Variants in NRG1 observed in about 807,000 individuals in gnomAD.
NRG1 encodes neuregulin 1, also known as pro-neuregulin-1, membrane-bound isoform.
A neutral mutation model predicts 63.8 loss-of-function variants in NRG1; 18 were observed. The observed-to-expected ratio is 0.28, with a 90% CI of 0.19 to 0.42. NRG1 has a LOEUF of 0.42. NRG1 is among the 10% of genes least tolerant of loss of function. The probability of loss-of-function intolerance (pLI) is 1.00; values close to 1 mark genes in which losing one functional copy is unlikely to be tolerated. For synonymous variants in NRG1, 302 were observed against 301.3 expected (o/e 1.00, Z -0.02); for missense variants, 762 against 814.7 (o/e 0.94, Z 0.79).
chr8:31,649,772 G>C (rs1196968549), intron 1 of NRG1, among the ~76,000 whole-genome samples: 1 of 152,162 alleles, frequency 6.6e-6, no homozygotes, highest in Admixed American at 6.5e-5. Context: ...GTCATCATGA[G>C]AATATTGTAT....
intron 1 of NRG1, among the ~76,000 whole-genome samples, chr8:32,137,836 C>A (rs1835746821): frequency 6.6e-6 from 1 of 152,158 alleles, no homozygotes; most frequent in African/African-American, 2.4e-5. Context: ...AGTATTGATT[C>A]AATTCTGGGT....
At chr8:32,626,197 G>C (rs1849240412) in intron 5 of NRG1, among the ~76,000 whole-genome samples, 1 of 150,160 alleles carries the variant, frequency 6.7e-6, no homozygotes, top group South Asian at 2.1e-4. Flanking sequence ...TGGGAAGTGG[G>C]AGGTGGGAGG....
intron 1 of NRG1, among the ~76,000 whole-genome samples, chr8:32,513,739 A>G (rs1829499773): frequency 6.6e-6 from 1 of 152,158 alleles, no homozygotes; most frequent in Non-Finnish European, 1.5e-5. Context: ...GTGTCACAAA[A>G]CAAAACTTTA....
chr8:31,853,622 G>A (rs891298719), intron 1 of NRG1, among the ~76,000 whole-genome samples: 1 of 150,880 alleles, frequency 6.6e-6, no homozygotes, highest in Admixed American at 6.6e-5. Flanking sequence ...CTGCCTAATT[G>A]CCCTGGCCAG....
chr8:32,624,669 A>G (rs1231188639), intron 5 of NRG1, among the ~76,000 whole-genome samples: 1 of 152,200 alleles, frequency 6.6e-6, no homozygotes, highest in Non-Finnish European at 1.5e-5. Flanking sequence ...ATGAGCCATT[A>G]TAATTACTCT....
intron 1 of NRG1, among the ~76,000 whole-genome samples, chr8:31,693,670 G>C (rs1050814725): frequency 6.6e-6 from 1 of 152,172 alleles, no homozygotes; most frequent in East Asian, 1.9e-4. Flanking sequence ...AATACACTAG[G>C]TTCTGGTTCC....
chr8:31,670,965 A>G (rs1047044895), intron 1 of NRG1, among the ~76,000 whole-genome samples: 3 of 152,140 alleles, frequency 2.0e-5, no homozygotes, highest in Non-Finnish European at 2.9e-5. Context: ...CTCGCCCTCA[A>G]TCCACAAATA....
chr8:32,641,735 A>G (rs2129545823), intron 5 of NRG1, among the ~76,000 whole-genome samples: 1 of 152,342 alleles, frequency 6.6e-6, no homozygotes, highest in Admixed American at 6.5e-5. Flanking sequence ...CATCTCACAA[A>G]GTAATGCTTA....
At chr8:32,005,752 ATTAT>A (rs150235751) in intron 1 of NRG1, among the ~76,000 whole-genome samples, 2,694 of 152,098 alleles carry the variant, frequency 0.018, 83 homozygotes, top group African/African-American at 0.061. Context: ...TTAAATTATT[ATTAT>A]TTAGTGGGAA....
intron 1 of NRG1, among the ~76,000 whole-genome samples, chr8:31,918,359 A>G (rs987858255): frequency 6.6e-6 from 1 of 152,164 alleles, no homozygotes; most frequent in African/African-American, 2.4e-5. Flanking sequence ...AGCTCTTATT[A>G]TTTTGAAATA....
At chr8:32,614,013 T>A (rs956872437) in intron 3 of NRG1, among the ~76,000 whole-genome samples, 1 of 152,082 alleles carries the variant, frequency 6.6e-6, no homozygotes, top group Non-Finnish European at 1.5e-5. Context: ...AGCACCTGTC[T>A]TCATTCTCAC....
intron 1 of NRG1, among the ~76,000 whole-genome samples, chr8:32,054,624 C>T (rs1822542465): frequency 6.6e-6 from 1 of 152,104 alleles, no homozygotes; most frequent in South Asian, 2.1e-4. Context: ...TTTGATTTAT[C>T]TGCTGTTATG....
At chr8:32,465,100 G>A (rs1822893653) in intron 1 of NRG1, among the ~76,000 whole-genome samples, 1 of 152,148 alleles carries the variant, frequency 6.6e-6, no homozygotes, top group Admixed American at 6.5e-5. Flanking sequence ...GCTTGAATCT[G>A]GGAGGCGGAG....
intron 1 of NRG1, among the ~76,000 whole-genome samples, chr8:32,403,695 A>G (rs116884576): frequency 3.9e-3 from 589 of 152,264 alleles, no homozygotes; most frequent in Non-Finnish European, 6.2e-3. Context: ...TTTATGGAAA[A>G]TTTACACTTA....
At chr8:31,858,343 C>G (rs1182609142) in intron 1 of NRG1, among the ~76,000 whole-genome samples, 1 of 151,204 alleles carries the variant, frequency 6.6e-6, no homozygotes, top group African/African-American at 2.4e-5. Context: ...TCAACGTTGA[C>G]CATTCTATGA....
At chr8:32,551,539 G>A (rs939215254) in intron 1 of NRG1, among the ~76,000 whole-genome samples, 3 of 152,158 alleles carry the variant, frequency 2.0e-5, no homozygotes, top group African/African-American at 7.2e-5. Context: ...GGGGGAAAAG[G>A]CTTCTTTAAC....
intron 1 of NRG1, among the ~76,000 whole-genome samples, chr8:32,454,604 G>A (rs1363004830): frequency 2.4e-5 from 3 of 127,218 alleles, no homozygotes; most frequent in East Asian, 4.7e-4. Context: ...TTTTTTGGTG[G>A]CTGCTCTCAA....
intron 1 of NRG1, among the ~76,000 whole-genome samples, chr8:32,415,098 G>A (rs574826950): frequency 5.1e-4 from 77 of 152,178 alleles, no homozygotes; most frequent in Non-Finnish European, 9.3e-4. Context: ...TATTTCTGTG[G>A]GGGAATGTGT....
rs185715788 is a variant in NRG1 at position 32,713,988 on chromosome 8, C to T, written c.503-13961C>T. On this transcript the variant is annotated intron_variant, in intron 5 of 11. Coordinates refer to ENST00000356819, the Ensembl canonical transcript of NRG1. ...TACAGGCACACACCACCATGCCCAG[C>T]TAATTTTTGTATTTTTGGTAGAGAC... Among the ~76,000 whole-genome samples, 688 of 151,964 alleles carry T rather than the reference C, an allele frequency of 4.5e-3. 4 individuals are homozygous for T. Among genetic ancestry groups the T allele is most frequent in the African/African-American group, 0.014 (597 of 41,430 alleles).
Sources: allele counts gnomAD v4.1 joint callset (sites outside exome capture counted in the v4.1 genomes callset), GRCh38; gene constraint gnomAD v4.1.1; transcripts MANE v1.5; gene names NCBI Gene and HGNC (gene_info 2026-07-23, HGNC 2026-07-21).